The following FIBCD1 variants were observed in gnomAD, a reference collection of about 807,000 sequenced individuals.
FIBCD1 encodes the protein fibrinogen C domain containing 1.
Under a neutral mutation model 45.1 loss-of-function variants are expected in FIBCD1, and 47 were observed. The ratio of observed to expected loss-of-function variants is 1.04; its 90% CI spans 0.82 to 1.33. FIBCD1 has a LOEUF of 1.33. Ranked by LOEUF, FIBCD1 falls within the 40% of genes most tolerant of loss-of-function variation. The probability of loss-of-function intolerance (pLI) is 0.00; values close to 1 mark genes in which losing one functional copy is unlikely to be tolerated. For synonymous variants in FIBCD1, 313 were observed against 308.1 expected (o/e 1.02, Z -0.17); for missense variants, 653 against 682.2 (o/e 0.96, Z 0.48).
At chr9:130,917,291 CAGACAGAG>C (rs1353915150) in intron 4 of FIBCD1, among the ~76,000 whole-genome samples, 1 of 143,646 alleles carries the variant, frequency 7.0e-6, no homozygotes, top group South Asian at 2.3e-4. Flanking sequence ...AGTGGGAAGA[CAGACAGAG>C]AGTGTTTTCT....
At chr9:130,916,722 G>A (rs1832167153) in intron 4 of FIBCD1, among the ~76,000 whole-genome samples, 1 of 152,244 alleles carries the variant, frequency 6.6e-6, no homozygotes, top group Non-Finnish European at 1.5e-5. Flanking sequence ...GAGGACAGAG[G>A]GAGGAAGTAA....
intron 4 of FIBCD1, among the ~76,000 whole-genome samples, chr9:130,918,373 G>A (rs542905891): frequency 6.6e-6 from 1 of 152,328 alleles, no homozygotes; most frequent in African/African-American, 2.4e-5. Flanking sequence ...CAAGGAATGG[G>A]GGGTGGGTGG....
rs1327171865 is a variant in FIBCD1, at chr9:130,903,808, GGTC to G, written c.*253_*255del. The G allele has an allele frequency of 3.9e-5, 23 of 585,454 alleles. No individual in the cohort carries two copies. The highest frequency in any genetic ancestry group is 8.9e-5 in the East Asian group (3 of 33,722). The allele number at this position is 585,454 out of a possible 1,614,324, so 36.3% of individuals were successfully genotyped here. Reference sequence around the variant, plus strand: ...CACAGTGGGGGCAGGCAGGAGTTGGGGTCGTCAAGTTTGCCAGCCCCCATCAGC... The same window carrying G: ...CACAGTGGGGGCAGGCAGGAGTTGGGGTCAAGTTTGCCAGCCCCCATCAGC... On this transcript the variant is annotated 3_prime_UTR_variant, in exon 7 of 7. Transcript: ENST00000372338.
chr9:130,933,727 T>TGGGGGGGGGGGGGGGGGGGG (rs1179362614), intron 1 of FIBCD1: 20 of 51,076 alleles, frequency 3.9e-4, no homozygotes, highest in African/African-American at 5.5e-4. Context: ...GGCGGGCGGG[T>TGGGGGGGGGGGGGGGGGGGG]GGGGGGGGGG....
intron 4 of FIBCD1, among the ~76,000 whole-genome samples, chr9:130,914,729 C>A (rs564272414): frequency 7.2e-4 from 109 of 152,300 alleles, no homozygotes; most frequent in Non-Finnish European, 1.3e-3. Context: ...GCGCTCACTC[C>A]CACCACTGGG....
intron 5 of FIBCD1, among the ~76,000 whole-genome samples, chr9:130,907,020 G>T (rs4345615): frequency 0.32 from 48,237 of 152,030 alleles, 8,451 homozygotes; most frequent in East Asian, 0.54. Flanking sequence ...TGGCATTGCT[G>T]GGATTTGAAC....
At chr9:130,914,084 G>A (rs914382066) in intron 4 of FIBCD1, among the ~76,000 whole-genome samples, 1 of 152,132 alleles carries the variant, frequency 6.6e-6, no homozygotes, top group African/African-American at 2.4e-5. Flanking sequence ...ACCATCCACC[G>A]AGAATAAGCT....
chr9:130,910,402 C>T (rs2133074008), intron 5 of FIBCD1, among the ~76,000 whole-genome samples: 1 of 152,324 alleles, frequency 6.6e-6, no homozygotes, highest in South Asian at 2.1e-4. Flanking sequence ...CCTGAGCCTC[C>T]CACCCCCTCC....
At chr9:130,937,195 CA>C (rs781414324) in intron 1 of FIBCD1, among the ~76,000 whole-genome samples, 4 of 152,080 alleles carry the variant, frequency 2.6e-5, no homozygotes, top group Admixed American at 1.3e-4. Context: ...GGGGAGAAGT[CA>C]GATCTCAGCA....
chr9:130,932,886 G>A (rs369978453), intron 1 of FIBCD1, among the ~76,000 whole-genome samples: 2 of 152,210 alleles, frequency 1.3e-5, no homozygotes, highest in South Asian at 2.1e-4. Context: ...TCTGGAGCCC[G>A]TCGGGAGACA....
Position 130,912,714 on chromosome 9 carries a change from AAAG to A in FIBCD1, c.850-829_850-827del, listed in dbSNP as rs1234484402. ...AGAGCAAAACTGTCTGAAAAAAAAA[AAAG>A]GGAATCTCGGTGGGGTGGAGGAAAG... On this transcript the variant is annotated intron_variant, in intron 4 of 6. Coordinates refer to ENST00000372338, the MANE Select transcript of FIBCD1 (RefSeq NM_032843.5). 8.5e-5 allele frequency among the ~76,000 whole-genome samples: 13 copies of A among 152,058 alleles called. 1 individual carries two copies. The highest frequency in any genetic ancestry group is 7.9e-4 in the Admixed American group (12 of 15,272).
rs576570076 is a variant in FIBCD1 at position 130,905,542 on chromosome 9, A to G, written c.947-129T>C. 7.6e-4 allele frequency: 729 copies of G among 955,816 alleles called. 2 individuals are homozygous for G. Among genetic ancestry groups the G allele is most frequent in the Non-Finnish European group, 6.3e-4 (410 of 650,594 alleles). 59.2% of individuals were successfully genotyped at this position (955,816 alleles called of 1,614,324 possible). On this transcript the variant is annotated intron_variant, in intron 5 of 6. Coordinates refer to ENST00000372338, the MANE Select transcript of FIBCD1 (RefSeq NM_032843.5). ...AAGGGACAACCACCAAGTGCGTGCA[A>G]TCAGCCCTGGGCTACTTCCTTCTTC... is the stretch of plus-strand genomic sequence containing the variant.
chr9:130,910,935 A>G (rs1401080638), intron 5 of FIBCD1, among the ~76,000 whole-genome samples: 1 of 152,152 alleles, frequency 6.6e-6, no homozygotes, highest in East Asian at 1.9e-4. Context: ...GGGGAGGTGG[A>G]GAACCTTTGT....
intron 1 of FIBCD1, chr9:130,930,646 C>T (rs1369229233): frequency 9.4e-6 from 4 of 427,288 alleles, no homozygotes; most frequent in African/African-American, 8.1e-5. Context: ...GGCCGTGTGG[C>T]CCCCGTGGAG....
rs1463000728 is a variant in FIBCD1, at chr9:130,919,858, C to G, written c.849+3886G>C. The stretch of plus-strand genomic sequence containing the variant: ...CTGAAGGACATGTTGATCTGGACCT[C>G]ACGTGTGTGACCCCAGCCAGTGACT... On this transcript the variant is annotated intron_variant, in intron 4 of 6. Coordinates refer to ENST00000372338, the MANE Select transcript of FIBCD1 (RefSeq NM_032843.5). Among the ~76,000 whole-genome samples, 3 of 151,996 alleles carry G rather than the reference C, an allele frequency of 2.0e-5. No homozygotes were observed. The East Asian group carries it at 5.8e-4, about 29-fold the overall frequency.
At chr9:130,938,330 G>A in intron 1 of FIBCD1, 1 of 445,252 alleles carries the variant, frequency 2.2e-6, no homozygotes, top group Non-Finnish European at 4.0e-6. Context: ...CGTGGCTCCT[G>A]CAGGGGTGCC....
chr9:130,932,430 G>A (rs1473686057), intron 1 of FIBCD1, among the ~76,000 whole-genome samples: 1 of 152,140 alleles, frequency 6.6e-6, no homozygotes, highest in Admixed American at 6.5e-5. Flanking sequence ...AGTTCTCTTG[G>A]GGGCCGCGTC....
intron 5 of FIBCD1, among the ~76,000 whole-genome samples, chr9:130,911,042 A>T (rs1481595391): frequency 6.6e-6 from 1 of 151,424 alleles, no homozygotes; most frequent in African/African-American, 2.4e-5. Context: ...GCCACATAAG[A>T]GAATAAAAGC....
chr9:130,912,892 C>A (rs1430927019), intron 4 of FIBCD1, among the ~76,000 whole-genome samples: 2 of 152,072 alleles, frequency 1.3e-5, no homozygotes, highest in Non-Finnish European at 2.9e-5. Flanking sequence ...GAGCACCCCC[C>A]ACACACCCCA....
Sources: gnomAD v4.1 joint callset for allele counts (sites outside exome capture counted in the v4.1 genomes callset) on GRCh38, gnomAD v4.1.1 for gene constraint, MANE v1.5 for transcripts, NCBI Gene and HGNC (gene_info 2026-07-23, HGNC 2026-07-21) for gene names.